CRACR2A: variants seen among roughly 807,000 people sequenced by gnomAD.
CRACR2A encodes calcium release activated channel regulator 2A.
In CRACR2A, 79 loss-of-function variants were observed where a neutral mutation model predicts 90.5. The ratio of observed to expected loss-of-function variants is 0.87; its 90% CI spans 0.73 to 1.05. The LOEUF (loss-of-function observed/expected upper bound fraction) is 1.05, where lower values mean the gene tolerates loss of function less well. CRACR2A is among the 50% of genes least tolerant of loss of function. The pLI is 0.00. For synonymous variants in CRACR2A, 338 were observed against 356.7 expected, an observed-to-expected ratio of 0.95 and a Z score of 0.59; for missense variants, 823 against 897.2, an observed-to-expected ratio of 0.92 and a Z score of 1.06.
At chr12:3,628,877 G>A (rs987788102) in intron 15 of CRACR2A, among the ~76,000 whole-genome samples, 1 of 152,242 alleles carries the variant, frequency 6.6e-6, no homozygotes, top group South Asian at 2.1e-4. Context: ...AGCCACTGCC[G>A]CTGGGCAAAG....
intron 14 of CRACR2A, among the ~76,000 whole-genome samples, chr12:3,637,382 AAG>A (rs1420568582): frequency 6.6e-6 from 1 of 152,176 alleles, no homozygotes; most frequent in Non-Finnish European, 1.5e-5. Context: ...TCTGAATCGG[AAG>A]AGAGAGCACA....
intron 14 of CRACR2A, among the ~76,000 whole-genome samples, chr12:3,637,737 T>C (rs1215965276): frequency 6.6e-6 from 1 of 151,940 alleles, no homozygotes; most frequent in Non-Finnish European, 1.5e-5. Context: ...CCCCGGCCAA[T>C]GGGGAAGGAC....
In CRACR2A at chr12:3,628,797, A is replaced by C. The variant is rs140274112; in HGVS notation, c.1736-1091T>G. On this transcript the variant is annotated intron_variant, in intron 15 of 19. Transcript: ENST00000440314. ...GCTCAGGAAGACAAACAGCAACAGC[A>C]GCTTGGACAGATAGAGACAGAAGAG... is the stretch of plus-strand genomic sequence containing the variant. Among the ~76,000 whole-genome samples, 601 of 152,342 alleles carry C rather than the reference A, an allele frequency of 3.9e-3. 3 individuals are homozygous for C. The highest frequency in any genetic ancestry group is 0.014 in the African/African-American group (572 of 41,582).
At chr12:3,655,733 C>T (rs1944892405) in intron 9 of CRACR2A, among the ~76,000 whole-genome samples, 1 of 152,236 alleles carries the variant, frequency 6.6e-6, no homozygotes, top group African/African-American at 2.4e-5. Flanking sequence ...ACCACCCAGC[C>T]TGCCTCCTGG....
intron 17 of CRACR2A, among the ~76,000 whole-genome samples, chr12:3,626,336 A>C (rs925933054): frequency 1.3e-5 from 2 of 152,252 alleles, no homozygotes; most frequent in Non-Finnish European, 2.9e-5. Context: ...CCATTCATTC[A>C]TCCAGGAGTT....
chr12:3,672,015 C>T (rs1435562166), intron 7 of CRACR2A, among the ~76,000 whole-genome samples: 2 of 152,068 alleles, frequency 1.3e-5, no homozygotes, highest in African/African-American at 2.4e-5. Flanking sequence ...AAAAATATAC[C>T]CTTTAATCCT....
rs1024317576 is a variant in CRACR2A, at chr12:3,633,066, T to C, written c.1735+538A>G. 1.3e-5 allele frequency among the ~76,000 whole-genome samples: 2 copies of C among 152,206 alleles called. No homozygotes were observed. Among genetic ancestry groups the C allele is most frequent in the Non-Finnish European group, 2.9e-5 (2 of 68,042 alleles). ...TAGCTGAGCCTAATGAGCTTCCACA[T>C]TTAAGTCCAGCTGTCGCCCAGCAGG... On this transcript the variant is annotated intron_variant, in intron 15 of 19. Coordinates refer to ENST00000440314, the MANE Select transcript of CRACR2A (RefSeq NM_001144958.2). The surrounding 1 kb of genome is among the most constrained non-coding windows in gnomAD (Gnocchi z 4.5).
intron 8 of CRACR2A, among the ~76,000 whole-genome samples, chr12:3,657,789 G>A (rs1162895329): frequency 1.3e-5 from 2 of 152,150 alleles, no homozygotes; most frequent in African/African-American, 4.8e-5. Flanking sequence ...CCCACAATGG[G>A]CCTACAGAGC....
chr12:3,679,296 C>G (rs1344282497), intron 5 of CRACR2A, among the ~76,000 whole-genome samples, 198 bp from the exon 6 acceptor site: 2 of 152,198 alleles, frequency 1.3e-5, no homozygotes, highest in Non-Finnish European at 2.9e-5. Context: ...CACAAACACC[C>G]CATCAGTGAT....
At position 3,689,025 on chromosome 12, in the gene CRACR2A, T is replaced by C. The variant is rs143075138; in HGVS notation, c.228+7747A>G. On this transcript the variant is annotated intron_variant, in intron 4 of 19. Transcript: ENST00000440314. ...TTTGGCTGTTGTTGGTGTATAGGAA[T>C]GCTAATGATTTTGTACAAAGTACTG... Among the ~76,000 whole-genome samples the C allele has an allele frequency of 6.2e-4, 94 of 152,314 alleles. 2 individuals are homozygous for C. The highest frequency in any genetic ancestry group is 2.1e-3 in the African/African-American group (89 of 41,562).
At chr12:3,674,541 G>A (rs1045812828) in intron 6 of CRACR2A, among the ~76,000 whole-genome samples, 18 of 152,300 alleles carry the variant, frequency 1.2e-4, no homozygotes, top group Middle Eastern at 3.4e-3. Flanking sequence ...TTCAATAAAA[G>A]TTAATAATTT....
intron 15 of CRACR2A, among the ~76,000 whole-genome samples, chr12:3,631,683 C>T (rs1259794468): frequency 2.0e-4 from 30 of 152,112 alleles, no homozygotes; most frequent in Non-Finnish European, 5.9e-5. Flanking sequence ...TGAAGTTGAG[C>T]AGAAGGAAAG....
intron 9 of CRACR2A, 113 bp from the exon 10 acceptor site, chr12:3,654,512 C>A: frequency 4.0e-6 from 4 of 1,006,118 alleles, no homozygotes; most frequent in Non-Finnish European, 4.3e-6. Flanking sequence ...GTCACTGCCA[C>A]CCCTCACTGG....
At chr12:3,638,925 G>A (rs530720906) in intron 13 of CRACR2A, among the ~76,000 whole-genome samples, 6 of 152,348 alleles carry the variant, frequency 3.9e-5, no homozygotes, top group African/African-American at 1.4e-4. Context: ...TCTGCCCCCA[G>A]CGCCAGCCCT....
At chr12:3,620,133 C>T (rs997491268) in intron 17 of CRACR2A, among the ~76,000 whole-genome samples, 5 of 152,228 alleles carry the variant, frequency 3.3e-5, no homozygotes, top group African/African-American at 4.8e-5. Context: ...GCCTGCTTCC[C>T]GGGTCTCCAC....
intron 5 of CRACR2A, 114 bp from the exon 6 acceptor site, chr12:3,679,212 G>A: frequency 4.6e-6 from 5 of 1,081,518 alleles, no homozygotes; most frequent in Non-Finnish European, 6.5e-6. Flanking sequence ...GAAAGGGAAG[G>A]GAAAGCCCCT....
intron 9 of CRACR2A, among the ~76,000 whole-genome samples, chr12:3,655,001 C>A (rs1458078398): frequency 6.6e-6 from 1 of 152,086 alleles, no homozygotes; most frequent in Non-Finnish European, 1.5e-5. Flanking sequence ...AACTAAAAAC[C>A]CTGCATTTTT....
intron 10 of CRACR2A, among the ~76,000 whole-genome samples, chr12:3,650,352 CA>C (rs1280603979): frequency 1.3e-5 from 2 of 152,196 alleles, no homozygotes; most frequent in Non-Finnish European, 2.9e-5. Flanking sequence ...AGTTAATTTA[CA>C]GCAATAACAG....
At chr12:3,638,042 G>C (rs1395308389) in intron 14 of CRACR2A, 82 bp downstream of exon 14, 2 of 1,368,798 alleles carry the variant, frequency 1.5e-6, no homozygotes, top group Admixed American at 5.4e-5. Context: ...CTCCTGAGCT[G>C]CCTCTCCGGG....
Sources: gnomAD v4.1 joint callset for allele counts (sites outside exome capture counted in the v4.1 genomes callset) on GRCh38, gnomAD v4.1.1 for gene constraint, Gnocchi (gnomAD v3.1) non-coding constraint, MANE v1.5 for transcripts, NCBI Gene and HGNC (gene_info 2026-07-23, HGNC 2026-07-21) for gene names.